PCDHA2: variants seen among roughly 807,000 people sequenced by gnomAD.
PCDHA2 encodes the protein protocadherin alpha 2.
Under a neutral mutation model 66.0 loss-of-function variants are expected in PCDHA2, and 58 were observed. That is an observed-to-expected ratio of 0.88 (90% CI 0.71 to 1.09). The LOEUF is 1.09. Among genes scored for constraint, PCDHA2 ranks in the 50% least tolerant of loss-of-function variants. The pLI is 0.00. For synonymous variants in PCDHA2, 634 were observed against 554.0 expected (o/e 1.14, Z -2.03); for missense variants, 1,267 against 1,242.3 (o/e 1.02, Z -0.30).
intron 1 of PCDHA2, chr5:140,871,216 G>A (rs782807102): frequency 5.6e-6 from 9 of 1,613,738 alleles, no homozygotes; most frequent in East Asian, 4.5e-5. Context: ...CGCCATCTGC[G>A]TGGTGTCCAG....
chr5:140,978,906 T>C, intron 1 of PCDHA2, 43 bp from the exon 2 acceptor site: 1 of 1,613,530 alleles, frequency 6.2e-7, no homozygotes, highest in Non-Finnish European at 8.5e-7. Flanking sequence ...GGGAGAACAT[T>C]GTCTTGTCAT....
rs782251799 is a variant in PCDHA2 at position 140,876,987 on chromosome 5, G to T, written c.2388+79635G>T. On this transcript the variant is annotated intron_variant, in intron 1 of 3. Transcript: ENST00000526136. The stretch of plus-strand genomic sequence containing the variant: ...GGCGGGTGGGCGAGCACGCACTGTC[G>T]AGCTACGTGTCGGTGCACGCGGAGA... The T allele has an allele frequency of 9.9e-6, 16 of 1,612,540 alleles. 1 individual carries two copies. The South Asian group carries it at 1.4e-4, about 14-fold the overall frequency.
At position 141,009,806 on chromosome 5, in the gene PCDHA2, A is replaced by G. The variant is rs781853535; in HGVS notation, c.2716A>G (p.Ile906Val). 18 of 1,614,018 alleles carry G rather than the reference A, an allele frequency of 1.1e-5. No individual in the cohort carries two copies. Among genetic ancestry groups the G allele is most frequent in the Non-Finnish European group, 1.5e-5 (18 of 1,180,028 alleles). ...SIRQEPTNSQ[I>V]DKSDFITFGK... is the part of the protein sequence containing the mutation. ...CCGGCAGGAGCCTACTAACAGCCAA[A>G]TTGACAAAAGTGACTTCATAACCTT... The change falls in exon 4 of 4, where the codon ATT becomes GTT. Residue 906 changes from isoleucine (I) to valine (V), a missense_variant. Physicochemically the swap from Ile to Val is conservative, Grantham distance 29 (BLOSUM62 3). Coordinates refer to ENST00000526136, the MANE Select transcript of PCDHA2 (RefSeq NM_018905.3).
intron 1 of PCDHA2, chr5:140,856,310 C>A: frequency 1.3e-6 from 2 of 1,598,548 alleles, no homozygotes; most frequent in Non-Finnish European, 1.7e-6. Context: ...TGTGAATTCT[C>A]GGATTGACCG....
At position 140,795,860 on chromosome 5, in the gene PCDHA2, C is replaced by T; in HGVS notation, c.896C>T (p.Ser299Leu). 3 of 1,613,984 alleles carry T rather than the reference C, an allele frequency of 1.9e-6. No individual in the cohort carries two copies. Among genetic ancestry groups the T allele is most frequent in the Non-Finnish European group, 2.5e-6 (3 of 1,180,016 alleles). ...ACTAAGTTTACCATAGATCCCATCT[C>T]AGGGGAAATCAGAACTAAGGGAAAA... ...IQTKFTIDPI[S>L]GEIRTKGKLD... Residue 299 changes from serine to leucine, a missense_variant, in exon 1 of 4, where the codon TCA (serine) becomes TTA (leucine). Coordinates refer to ENST00000526136, the MANE Select transcript of PCDHA2 (RefSeq NM_018905.3).
rs1474265282 is a variant in PCDHA2 at position 140,795,234 on chromosome 5, C to T, written c.270C>T (p.Ile90=). Residue 90 remains isoleucine, a synonymous_variant, in exon 1 of 4, where the codon ATC becomes ATT. Coordinates refer to ENST00000526136, the MANE Select transcript of PCDHA2 (RefSeq NM_018905.3). ...QNGILFVNSR[I]DREELCGRSA... ...GCATTTTGTTTGTGAATTCTCGGAT[C>T]GACCGGGAGGAGCTGTGCGGGCGGA... 3 of 1,614,200 alleles carry T rather than the reference C, an allele frequency of 1.9e-6. No individual in the cohort carries two copies. Among genetic ancestry groups the T allele is most frequent in the South Asian group, 1.1e-5 (1 of 91,088 alleles).
intron 1 of PCDHA2, among the ~76,000 whole-genome samples, chr5:140,879,326 T>C (rs1554170752): frequency 6.6e-6 from 1 of 152,232 alleles, no homozygotes. Flanking sequence ...CTCACTTTTT[T>C]AGTTTGTTCA....
intron 1 of PCDHA2, chr5:140,824,225 A>G: frequency 1.3e-6 from 2 of 1,554,028 alleles, no homozygotes; most frequent in Non-Finnish European, 1.8e-6. Context: ...ATTATGTCTT[A>G]GTACACAAAT....
chr5:140,887,561 CT>C (rs2061497104), intron 1 of PCDHA2, among the ~76,000 whole-genome samples: 1 of 151,690 alleles, frequency 6.6e-6, no homozygotes, highest in Non-Finnish European at 1.5e-5. Context: ...ACTGTTAAAA[CT>C]TTTCTTTTTA....
chr5:140,803,388 G>A, intron 1 of PCDHA2: 1 of 1,614,236 alleles, frequency 6.2e-7, no homozygotes, highest in Non-Finnish European at 8.5e-7. Flanking sequence ...AACCGAAGGC[G>A]ACTGTGGGCC....
rs2150336569 is a variant in PCDHA2 at position 140,842,461 on chromosome 5, T to C, written c.2388+45109T>C. 48 of 1,613,688 alleles carry C rather than the reference T, an allele frequency of 3.0e-5. 1 individual carries two copies. Among genetic ancestry groups the C allele is most frequent in the Middle Eastern group, 3.3e-4 (2 of 6,082 alleles). On this transcript the variant is annotated intron_variant, in intron 1 of 3. Coordinates refer to ENST00000526136, the MANE Select transcript of PCDHA2 (RefSeq NM_018905.3). ...TTAGCGTGAACGACCTCGATTCAGG[T>C]GCCAACGGGCAGGTGACCTGCTCCC...
rs782072957 is a variant in PCDHA2, at chr5:140,870,352, G to T, written c.2388+73000G>T. On this transcript the variant is annotated intron_variant, in intron 1 of 3. Coordinates refer to ENST00000526136, the MANE Select transcript of PCDHA2 (RefSeq NM_018905.3). ...GGACAGCGCCCTGGACCGCGAGAAC[G>T]TGTGGGCCTATGAACTGGTGGTGAC... 9.9e-6 allele frequency: 16 copies of T among 1,614,226 alleles called. No individual in the cohort carries two copies. The South Asian group carries it at 1.3e-4, about 13-fold the overall frequency.
At chr5:140,869,484 C>T (rs782167038) in intron 1 of PCDHA2, 2 of 1,613,948 alleles carry the variant, frequency 1.2e-6, no homozygotes, top group South Asian at 2.2e-5. Flanking sequence ...AGGACATTAA[C>T]GACAACCCGC....
intron 1 of PCDHA2, among the ~76,000 whole-genome samples, chr5:140,921,352 T>C (rs889434892): frequency 6.6e-6 from 1 of 152,190 alleles, no homozygotes; most frequent in Non-Finnish European, 1.5e-5. Context: ...TATATTTGCC[T>C]ATATTCAAGT....
At chr5:140,955,293 T>A (rs2095165956) in intron 1 of PCDHA2, among the ~76,000 whole-genome samples, 1 of 152,182 alleles carries the variant, frequency 6.6e-6, no homozygotes, top group Non-Finnish European at 1.5e-5. Flanking sequence ...ATGGTTTGGC[T>A]GTGTCCCCAC....
chr5:140,823,950 G>A, intron 1 of PCDHA2: 1 of 1,614,000 alleles, frequency 6.2e-7, no homozygotes, highest in South Asian at 1.1e-5. Flanking sequence ...GCTCGGCGCA[G>A]CCCACCGAGG....
intron 1 of PCDHA2, chr5:140,882,971 G>A (rs1562782227): frequency 3.1e-6 from 5 of 1,614,206 alleles, no homozygotes; most frequent in Admixed American, 1.7e-5. Flanking sequence ...GATTCTGGAC[G>A]TGAATGACAA....
chr5:140,820,432 T>C lies in PCDHA2; in HGVS notation c.2388+23080T>C, dbSNP rs2150106881. Among the ~76,000 whole-genome samples, 49 of 152,136 alleles carry C rather than the reference T, an allele frequency of 3.2e-4. 1 individual carries two copies. The highest frequency in any genetic ancestry group is 2.6e-3 in the Admixed American group (40 of 15,288). On this transcript the variant is annotated intron_variant, in intron 1 of 3. Coordinates refer to ENST00000526136, the MANE Select transcript of PCDHA2 (RefSeq NM_018905.3). Reference sequence around the variant, plus strand: ...AATGTAAAAGTATCCAACAATAGAATTGCTAATCTCTTGGTCCCTCTTGTC... The same window carrying C: ...AATGTAAAAGTATCCAACAATAGAACTGCTAATCTCTTGGTCCCTCTTGTC...
rs782659406 is a variant in PCDHA2 at position 140,802,694 on chromosome 5, G to T, written c.2388+5342G>T. 8.1e-6 allele frequency: 13 copies of T among 1,612,620 alleles called. No individual in the cohort carries two copies. The Admixed American group carries it at 1.2e-4, about 14-fold the overall frequency. On this transcript the variant is annotated intron_variant, in intron 1 of 3. Coordinates refer to ENST00000526136, the MANE Select transcript of PCDHA2 (RefSeq NM_018905.3). ...CCTACTCGCTGGTGGAACGGCGGGT[G>T]GGGGAGCGCGCGCTGTCGAGCTACG... is the stretch of plus-strand genomic sequence containing the variant.
Sources: gnomAD v4.1 joint callset for allele counts (sites outside exome capture counted in the v4.1 genomes callset) on GRCh38, gnomAD v4.1.1 for gene constraint, MANE v1.5 for transcripts, NCBI Gene and HGNC (gene_info 2026-07-23, HGNC 2026-07-21) for gene names.